The following FASN variants were observed in gnomAD, a reference collection of about 807,000 sequenced individuals.
FASN encodes the protein fatty acid synthase, also known as 3-hydroxyacyl-[acyl-carrier-protein] dehydratase.
In FASN, 50 loss-of-function variants were observed where a neutral mutation model predicts 250.0. The ratio of observed to expected loss-of-function variants is 0.20; its 90% CI spans 0.16 to 0.25. The LOEUF is 0.25. FASN is among the 10% of genes least tolerant of loss of function. The probability of loss-of-function intolerance (pLI) is 1.00; values close to 1 mark genes in which losing one functional copy is unlikely to be tolerated. For synonymous variants in FASN, 1,909 were observed against 1,584.0 expected, an observed-to-expected ratio of 1.21 and a Z score of -4.87; for missense variants, 3,031 against 3,498.5, an observed-to-expected ratio of 0.87 and a Z score of 3.37.
Position 82,083,633 on chromosome 17 carries a change from T to C in FASN, c.5225A>G (p.Asp1742Gly). 6.2e-7 allele frequency: 1 copy of C among 1,608,554 alleles called. No homozygotes were observed. Among genetic ancestry groups the C allele is most frequent in the Non-Finnish European group, 8.5e-7 (1 of 1,178,240 alleles). The change falls in exon 31 of 43, where the codon GAC becomes GGC. Residue 1742 changes from aspartate to glycine, a missense_variant. Coordinates refer to ENST00000306749, the MANE Select transcript of FASN (RefSeq NM_004104.5). ...VLWHTGGKGV[D>G]LVLNSLAEEK... ...TTCCGCCAAGGAGTTCAAGACCAGG[T>C]CAACGCCTAGGGGGCCAGAGGGGCC...
At chr17:82,096,648 G>T in intron 1 of FASN, 196 bp from the exon 2 acceptor site, 1 of 747,418 alleles carries the variant, frequency 1.3e-6, no homozygotes, top group Non-Finnish European at 2.2e-6. Context: ...GGGAGGGGCT[G>T]CGTGCTCTGG....
In FASN at chr17:82,085,549, G is replaced by A. The variant is rs1331283179; in HGVS notation, c.4055C>T (p.Pro1352Leu). The A allele has an allele frequency of 6.3e-7, 1 of 1,595,152 alleles. No individual in the cohort carries two copies. The highest frequency in any genetic ancestry group is 8.5e-7 in the Non-Finnish European group (1 of 1,171,558). Residue 1352 changes from proline (P) to leucine (L), a missense_variant, in exon 23 of 43, where the codon CCC (proline) becomes CTC (leucine). Transcript: ENST00000306749. ...GAGGAAGGCCACGATGTCCCCGAGG[G>A]GGTGCCCCCGGAGCAGTGTGTGCAG... ...LLLHTLLRGH[P>L]LGDIVAFLTS... is the part of the protein sequence containing the mutation.
In FASN at chr17:82,085,077, A is replaced by G; in HGVS notation, c.4367T>C (p.Leu1456Ser). The G allele has an allele frequency of 6.2e-7, 1 of 1,612,512 alleles. No individual in the cohort carries two copies. The change falls in exon 25 of 43, where the codon TTG (leucine) becomes TCG (serine). Residue 1456 changes from leucine (L) to serine (S), a missense_variant. Transcript: ENST00000306749. ...INCATSGVVG[L>S]VNCLRREPGG... ...GGGCTCTCGGCGGAGACAGTTCACC[A>G]AGCCCACCACGCCCGAGGTGGCACA...
intron 41 of FASN, 80 bp from the exon 42 acceptor site, chr17:82,079,688 T>C: frequency 6.6e-7 from 1 of 1,509,052 alleles, no homozygotes; most frequent in South Asian, 1.2e-5. Flanking sequence ...GGTGGGCTTT[T>C]TTTTTTTGAG....
intron 11 of FASN, 61 bp from the exon 12 acceptor site, chr17:82,089,787 C>T: frequency 7.1e-7 from 1 of 1,408,546 alleles, no homozygotes; most frequent in Non-Finnish European, 9.8e-7. Context: ...AGCCACCCAC[C>T]CACCCAGACA....
rs773251890 is a variant in FASN at position 82,085,259 on chromosome 17, G to A, written c.4266C>T (p.Phe1422=). The A allele has an allele frequency of 1.9e-6, 3 of 1,611,772 alleles. No homozygotes were observed. The highest frequency in any genetic ancestry group is 2.2e-5 in the East Asian group (1 of 44,856). The change falls in exon 24 of 43, where the codon TTC becomes TTT. Residue 1422 remains phenylalanine (F), a synonymous_variant. Coordinates refer to ENST00000306749, the MANE Select transcript of FASN (RefSeq NM_004104.5). ...TGACCTTCAGAGACTCCACCCAGCG[G>A]AAGCTGGTATCGTCCACCGGCAGGA... The part of the protein sequence containing the change: ...PIFLPVDDTS[F]RWVESLKGIL...
Position 82,095,404 on chromosome 17 carries a change from C to G in FASN, c.196G>C (p.Gly66Arg), listed in dbSNP as rs761309249. The change falls in exon 3 of 43, where the codon GGA becomes CGA. Residue 66 changes from glycine to arginine, a missense_variant. Gly to Arg is a moderately radical substitution (Grantham distance 125). Transcript: ENST00000306749. ...DLSRFDASFF[G>R]VHPKQAHTMD... is the part of the protein sequence containing the mutation. Reference sequence around the variant, plus strand: ...GTGTGTGCCTGCTTGGGGTGGACTCCGAAGAAGGAGGCATCAAACCTAGAC... The same window carrying G: ...GTGTGTGCCTGCTTGGGGTGGACTCGGAAGAAGGAGGCATCAAACCTAGAC... The G allele has an allele frequency of 6.2e-7, 1 of 1,612,966 alleles. No homozygotes were observed. Among genetic ancestry groups the G allele is most frequent in the South Asian group, 1.1e-5 (1 of 91,088 alleles).
chr17:82,087,657 C>T (rs1297300146), intron 19 of FASN, 28 bp downstream of exon 19: 3 of 1,609,058 alleles, frequency 1.9e-6, no homozygotes, highest in Non-Finnish European at 2.5e-6. Context: ...TCCCCGGTGG[C>T]TTGGGCAGCA....
In FASN at chr17:82,085,159, A is replaced by G; in HGVS notation, c.4288-3T>C. On this transcript the variant is annotated splice_polypyrimidine_tract_variant and splice_region_variant and intron_variant, in intron 24 of 42. Transcript: ENST00000306749. ...GAGTCTTCGTCAGCCAGGATGCCCT[A>G]CAGCGGGTCGGGGAGGGTCAGGCCA... 1 of 1,612,286 alleles carries G rather than the reference A, an allele frequency of 6.2e-7. No homozygotes were observed.
rs541770720 is a variant in FASN, at chr17:82,089,530, C to T, written c.1965+102G>A. On this transcript the variant is annotated intron_variant, in intron 12 of 42. Transcript: ENST00000306749. The stretch of plus-strand genomic sequence containing the variant: ...ACAAACCTGCCCCATGCCCCAGGCC[C>T]GTCAGAGCTTGGTGGGGCGTAGACC... 218 of 1,547,376 alleles carry T rather than the reference C, an allele frequency of 1.4e-4. 1 individual carries two copies. Among genetic ancestry groups the T allele is most frequent in the African/African-American group, 5.5e-4 (40 of 73,326 alleles).
intron 21 of FASN, 82 bp downstream of exon 21, chr17:82,086,968 A>G (rs2034114979): frequency 6.6e-7 from 1 of 1,521,768 alleles, no homozygotes; most frequent in Admixed American, 1.8e-5. Context: ...CCCGTGGAGA[A>G]GCAAGTCTGG....
At chr17:82,088,710 C>G (rs768662185) in intron 15 of FASN, 51 bp downstream of exon 15, 7 of 1,561,720 alleles carry the variant, frequency 4.5e-6, no homozygotes, top group East Asian at 4.5e-5. Flanking sequence ...TCACCCACCC[C>G]ACGCCGTCCC....
At position 82,086,988 on chromosome 17, in the gene FASN, G is replaced by T. The variant is rs550218495; in HGVS notation, c.3427+62C>A. The T allele has an allele frequency of 1.7e-3, 2,702 of 1,576,804 alleles. 3 individuals are homozygous for T. The highest frequency in any genetic ancestry group is 2.2e-3 in the Non-Finnish European group (2,525 of 1,155,522). On this transcript the variant is annotated intron_variant, in intron 21 of 42. Transcript: ENST00000306749. ...GGAGAAGCAAGTCTGGGGTCAACGTGAGGGGAGGCGATCGCTCCTCATCGC... is the reference window on the plus strand; with the variant it reads ...GGAGAAGCAAGTCTGGGGTCAACGTTAGGGGAGGCGATCGCTCCTCATCGC...
Position 82,084,027 on chromosome 17 carries a change from C to A in FASN, c.5046G>T (p.Gln1682His). ...GACTGAGGGCGATGGCGATGGCGGC[C>A]TGGCCCACGCCGCCCGAGCCCGAGT... ...LIHSGSGGVG[Q>H]AAIAIALSLG... Residue 1682 changes from glutamine (Q) to histidine (H), a missense_variant, in exon 29 of 43, where the codon CAG (glutamine) becomes CAT (histidine). Gln to His is a conservative substitution (Grantham distance 24). Transcript: ENST00000306749. 1 of 1,540,538 alleles carries A rather than the reference C, an allele frequency of 6.5e-7. No homozygotes were observed. Among genetic ancestry groups the A allele is most frequent in the Non-Finnish European group, 8.7e-7 (1 of 1,145,586 alleles).
intron 21 of FASN, among the ~76,000 whole-genome samples, 169 bp downstream of exon 21, chr17:82,086,881 G>A (rs1190943824): frequency 6.6e-6 from 1 of 150,400 alleles, no homozygotes; most frequent in Non-Finnish European, 1.5e-5. Flanking sequence ...AAGGCTGGGG[G>A]CTGGGGGAGG....
At chr17:82,096,202 C>A (rs1025278346) in intron 2 of FASN, 117 bp downstream of exon 2, 2 of 1,515,174 alleles carry the variant, frequency 1.3e-6, no homozygotes, top group Non-Finnish European at 9.0e-7. Flanking sequence ...CAGCTGGGAC[C>A]GGCCTCAGGC....
rs528165545 is a variant in FASN, at chr17:82,080,869, G to C, written c.6649C>G (p.Leu2217Val). The change falls in exon 39 of 43, where the codon CTG becomes GTG. Residue 2217 changes from leucine to valine, a missense_variant. Coordinates refer to ENST00000306749, the MANE Select transcript of FASN (RefSeq NM_004104.5). ...TTCACCAGCAGGGAGCGCAGGTTCA[G>C]CTGAGTCTGCTGCTGGGCCAGACCA... ...EDGLAQQQTQ[L>V]NLRSLLVNPE... The C allele has an allele frequency of 5.0e-6, 8 of 1,611,352 alleles. No homozygotes were observed. In the East Asian group the frequency reaches 8.9e-5, roughly 18 times the overall value.
rs145718635 is a variant in FASN, at chr17:82,094,260, G to A, written c.281-489C>T. On this transcript the variant is annotated intron_variant, in intron 3 of 42. Coordinates refer to ENST00000306749, the MANE Select transcript of FASN (RefSeq NM_004104.5). ...GTGTCCAGGCTCGGGAAGGAGAGAG[G>A]GACACCGGTCACCCCCGGGGAGCAT... The A allele has an allele frequency of 1.3e-3, 320 of 252,236 alleles. 1 individual carries two copies. Among genetic ancestry groups the A allele is most frequent in the African/African-American group, 7.0e-3 (310 of 44,442 alleles). The allele number at this position is 252,236 out of a possible 1,614,324, so 15.6% of individuals were successfully genotyped here.
At position 82,078,656 on chromosome 17, in the gene FASN, C is replaced by G. The variant is rs2033932690; in HGVS notation, c.*487G>C. 1 of 233,746 alleles carries G rather than the reference C, an allele frequency of 4.3e-6. No homozygotes were observed. 14.5% of individuals were successfully genotyped at this position (233,746 alleles called of 1,614,324 possible). A position where few individuals can be genotyped will look rare whatever the true frequency, so the allele number is the denominator to read the frequency against. ...ACGACCCCCCACTCAGCGGGCTGAG[C>G]CAATGCCTGGCCGAGAGGGGGCCGC... On this transcript the variant is annotated 3_prime_UTR_variant, in exon 43 of 43. Coordinates refer to ENST00000306749, the MANE Select transcript of FASN (RefSeq NM_004104.5). This position sits in a 1 kb window ranked among gnomAD's most constrained non-coding sequence, Gnocchi z 5.4.
Sources: gnomAD v4.1 joint callset for allele counts (sites outside exome capture counted in the v4.1 genomes callset) on GRCh38, gnomAD v4.1.1 for gene constraint, Gnocchi (gnomAD v3.1) non-coding constraint, MANE v1.5 for transcripts, NCBI Gene and HGNC (gene_info 2026-07-23, HGNC 2026-07-21) for gene names.